Variants in FHOD3 observed in about 807,000 individuals in gnomAD.
FHOD3 encodes the protein FH1/FH2 domain-containing protein 3.
Under a neutral mutation model 173.0 loss-of-function variants are expected in FHOD3, and 90 were observed. The observed-to-expected ratio is 0.52, with a 90% confidence interval of 0.44 to 0.62. FHOD3 has a LOEUF of 0.62. Ranked by LOEUF, FHOD3 falls within the 20% of genes least tolerant of loss-of-function variation. FHOD3 has a pLI of 0.00. For missense variants in FHOD3, 1,945 were observed against 2,034.7 expected, an observed-to-expected ratio of 0.96 and a Z score of 0.85; for synonymous variants, 828 against 823.0, an observed-to-expected ratio of 1.01 and a Z score of -0.10.
chr18:36,501,906 T>C lies in FHOD3; in HGVS notation c.338-26T>C, dbSNP rs192819283. On this transcript the variant is annotated intron_variant, in intron 3 of 28. Transcript: ENST00000590592. ...CTGTCAATAGAGTCAGTTTAATTAA[T>C]TTATATGTTTTATTCTTTATTTCAG... The C allele has an allele frequency of 2.6e-4, 398 of 1,505,022 alleles. 1 individual carries two copies. The highest frequency in any genetic ancestry group is 3.5e-4 in the Non-Finnish European group (385 of 1,100,078). 93.2% of individuals were successfully genotyped at this position (1,505,022 alleles called of 1,614,324 possible).
rs528660087 is a variant in FHOD3, at chr18:36,438,798, C to G, written c.338-63134C>G. 1.5e-3 allele frequency among the ~76,000 whole-genome samples: 233 copies of G among 152,356 alleles called. 1 individual carries two copies. In the Middle Eastern group the frequency reaches 0.017, roughly 11 times the overall value. On this transcript the variant is annotated intron_variant, in intron 3 of 28. Coordinates refer to ENST00000590592, the MANE Select transcript of FHOD3 (RefSeq NM_001281740.3). Reference sequence around the variant, plus strand: ...TCATCCTGTCTTCAGGCTCACTCCTCTAGCTCATCTTCCACATTGGCACTT... The same window carrying G: ...TCATCCTGTCTTCAGGCTCACTCCTGTAGCTCATCTTCCACATTGGCACTT...
chr18:36,436,238 G>A (rs1881168128), intron 3 of FHOD3, among the ~76,000 whole-genome samples: 2 of 152,174 alleles, frequency 1.3e-5, no homozygotes, highest in Admixed American at 1.3e-4. Context: ...TTGAAGGCAA[G>A]GAACCAGCTT....
At chr18:36,357,086 C>G (rs2046395599) in intron 2 of FHOD3, among the ~76,000 whole-genome samples, 1 of 152,122 alleles carries the variant, frequency 6.6e-6, no homozygotes, top group South Asian at 2.1e-4. Context: ...ACCACTTTGC[C>G]CGAGTTAAAA....
At chr18:36,651,610 G>A (rs930262749) in intron 11 of FHOD3, among the ~76,000 whole-genome samples, 4 of 152,070 alleles carry the variant, frequency 2.6e-5, no homozygotes, top group African/African-American at 9.7e-5. Flanking sequence ...AAATTAGCCA[G>A]GTGTGGTATC....
intron 5 of FHOD3, among the ~76,000 whole-genome samples, chr18:36,554,943 TTCTTC>T (rs1472850997): frequency 6.6e-6 from 1 of 152,300 alleles, no homozygotes; most frequent in African/African-American, 2.4e-5. Flanking sequence ...TGTAATTTGT[TTCTTC>T]TCTTTTTATT....
At chr18:36,462,770 G>T (rs919589443) in intron 3 of FHOD3, among the ~76,000 whole-genome samples, 1 of 152,194 alleles carries the variant, frequency 6.6e-6, no homozygotes, top group Non-Finnish European at 1.5e-5. Flanking sequence ...GGCTACTCGT[G>T]TGTGCCACTA....
intron 28 of FHOD3, among the ~76,000 whole-genome samples, chr18:36,773,095 T>C (rs938373179): frequency 2.0e-5 from 3 of 152,352 alleles, no homozygotes; most frequent in East Asian, 1.9e-4. Flanking sequence ...GACACTGATA[T>C]GCTAAGTCAG....
In FHOD3 at chr18:36,679,276, A is replaced by G. The variant is rs138737723; in HGVS notation, c.1836-2160A>G. On this transcript the variant is annotated intron_variant, in intron 14 of 28. Coordinates refer to ENST00000590592, the MANE Select transcript of FHOD3 (RefSeq NM_001281740.3). ...TTGTATTTACCTGTCATTCCTGAAT[A>G]TGCTCATTTATGGCCCTTTTTCTTG... Among the ~76,000 whole-genome samples, 66 of 152,208 alleles carry G rather than the reference A, an allele frequency of 4.3e-4. 1 individual carries two copies. In the East Asian group the frequency reaches 0.01, roughly 23 times the overall value.
chr18:36,744,732 G>A (rs62083176), intron 23 of FHOD3, among the ~76,000 whole-genome samples: 16,753 of 152,234 alleles, frequency 0.11, 1,216 homozygotes, highest in Non-Finnish European at 0.15. Context: ...CTCTTAAAGC[G>A]AGTGCAGAGT....
At chr18:36,316,719 AT>A (rs149259705) in intron 1 of FHOD3, among the ~76,000 whole-genome samples, 159 of 149,604 alleles carry the variant, frequency 1.1e-3, no homozygotes, top group Middle Eastern at 7.1e-3. Context: ...GGTGGGCTTC[AT>A]TTTTTTTTTC....
intron 5 of FHOD3, among the ~76,000 whole-genome samples, chr18:36,547,167 A>G (rs147081958): frequency 8.7e-4 from 132 of 152,230 alleles, no homozygotes; most frequent in Middle Eastern, 3.4e-3. Flanking sequence ...CGAAGGACAT[A>G]TGAGAGTGTG....
At chr18:36,736,373 G>A (rs1470787109) in intron 20 of FHOD3, among the ~76,000 whole-genome samples, 2 of 152,242 alleles carry the variant, frequency 1.3e-5, no homozygotes, top group African/African-American at 2.4e-5. Context: ...GAGGGTCAGT[G>A]TGACAGCCTT....
intron 9 of FHOD3, among the ~76,000 whole-genome samples, chr18:36,614,884 C>G (rs1056889863): frequency 2.2e-5 from 1 of 45,876 alleles, no homozygotes; most frequent in African/African-American, 9.4e-5. Flanking sequence ...AGCTTTTTCT[C>G]TTGTTGCCCA....
intron 3 of FHOD3, among the ~76,000 whole-genome samples, chr18:36,393,652 A>C (rs749069384): frequency 4.6e-5 from 7 of 152,178 alleles, no homozygotes; most frequent in Non-Finnish European, 1.0e-4. Flanking sequence ...TTTCCCCAGG[A>C]AACCATTCTC....
intron 5 of FHOD3, among the ~76,000 whole-genome samples, chr18:36,543,341 A>G (rs779096404): frequency 1.7e-4 from 26 of 152,118 alleles, no homozygotes; most frequent in Non-Finnish European, 2.8e-4. Flanking sequence ...TATGGGTTCT[A>G]TTTCTCAGGA....
chr18:36,744,192 A>T lies in FHOD3; in HGVS notation c.4040A>T (p.Lys1347Met). 1 of 1,612,266 alleles carries T rather than the reference A, an allele frequency of 6.2e-7. No individual in the cohort carries two copies. Among genetic ancestry groups the T allele is most frequent in the Non-Finnish European group, 8.5e-7 (1 of 1,178,870 alleles). The change falls in exon 23 of 29, where the codon AAG (lysine) becomes ATG (methionine). Residue 1347 changes from lysine (K) to methionine (M), a missense_variant and splice_region_variant. This residue lies in a region of FHOD3 where 354 missense variants were observed against 359.9 expected (regional missense o/e 0.98). Coordinates refer to ENST00000590592, the MANE Select transcript of FHOD3 (RefSeq NM_001281740.3). ...SEIGAITRSAKVDFDQLQDNL... is the reference protein window; with the variant it reads ...SEIGAITRSAMVDFDQLQDNL... ...ATCGGGGCCATCACCAGGTCAGCCA[A>T]GGTATGTCTGTGGACGCTGAGGAGT...
At chr18:36,585,136 G>A (rs935560688) in intron 6 of FHOD3, among the ~76,000 whole-genome samples, 1 of 152,052 alleles carries the variant, frequency 6.6e-6, no homozygotes, top group Non-Finnish European at 1.5e-5. Context: ...CTTGTTAATC[G>A]AATTGTTTCC....
rs536286491 is a variant in FHOD3 at position 36,738,087 on chromosome 18, T to C, written c.3577-2569T>C. Reference sequence around the variant, plus strand: ...TCAAGAATGTCCTGTAAATAGCATGTAACCTTTTGAGACTGGCTTCTTTCA... The same window carrying C: ...TCAAGAATGTCCTGTAAATAGCATGCAACCTTTTGAGACTGGCTTCTTTCA... On this transcript the variant is annotated intron_variant, in intron 20 of 28. Coordinates refer to ENST00000590592, the MANE Select transcript of FHOD3 (RefSeq NM_001281740.3). 5.3e-5 allele frequency among the ~76,000 whole-genome samples: 8 copies of C among 152,360 alleles called. No homozygotes were observed. In the East Asian group the frequency reaches 1.3e-3, roughly 26 times the overall value.
chr18:36,352,267 A>G (rs892838696), intron 1 of FHOD3, among the ~76,000 whole-genome samples: 1 of 152,146 alleles, frequency 6.6e-6, no homozygotes, highest in African/African-American at 2.4e-5. Flanking sequence ...TAATAATAGT[A>G]AATAAAAATA....
Sources: allele counts gnomAD v4.1 joint callset (sites outside exome capture counted in the v4.1 genomes callset), GRCh38; gene constraint gnomAD v4.1.1; regional missense constraint gnomAD v4.1.1; transcripts MANE v1.5; gene names NCBI Gene and HGNC (gene_info 2026-07-23, HGNC 2026-07-21).